RGS6: variants seen among roughly 807,000 people sequenced by gnomAD.
RGS6 encodes regulator of G-protein signaling 6.
Under a neutral mutation model 78.5 loss-of-function variants are expected in RGS6, and 30 were observed. That is an observed-to-expected ratio of 0.38 (90% CI 0.29 to 0.52). The LOEUF (loss-of-function observed/expected upper bound fraction) is 0.52, where lower values mean the gene tolerates loss of function less well. RGS6 is among the 20% of genes least tolerant of loss of function. RGS6 has a pLI of 0.85. For missense variants in RGS6, 495 were observed against 609.7 expected, an observed-to-expected ratio of 0.81 and a Z score of 1.98; for synonymous variants, 206 against 206.0, an observed-to-expected ratio of 1.00 and a Z score of 0.00.
the RGS6 span, among the ~76,000 whole-genome samples, chr14:72,616,602 G>A: frequency 6.6e-6 from 1 of 152,300 alleles, no homozygotes. Flanking sequence ...GAGTCCCAGT[G>A]TCACTCTGGA....
At chr14:72,415,575 A>C (rs11627401) in intron 3 of RGS6, among the ~76,000 whole-genome samples, 7,487 of 152,266 alleles carry the variant, frequency 0.049, 415 homozygotes, top group African/African-American at 0.14. Context: ...CTACCCAGTG[A>C]GATGAACCCG....
At chr14:72,232,224 G>T (rs2049824494) in intron 2 of RGS6, among the ~76,000 whole-genome samples, 1 of 152,310 alleles carries the variant, frequency 6.6e-6, no homozygotes, top group Admixed American at 6.5e-5. Flanking sequence ...GGAGGGGTCT[G>T]CTGTGTTGAC....
chr14:72,305,482 G>C (rs1160641326), intron 2 of RGS6, among the ~76,000 whole-genome samples: 1 of 152,124 alleles, frequency 6.6e-6, no homozygotes, highest in Non-Finnish European at 1.5e-5. Context: ...CTCCATATCT[G>C]TGTGTCATAT....
chr14:72,311,487 T>TA (rs1340750294), intron 2 of RGS6, among the ~76,000 whole-genome samples: 2,532 of 145,636 alleles, frequency 0.017, 64 homozygotes, highest in African/African-American at 0.054. Flanking sequence ...GAGCCTTTTG[T>TA]AAAAAAAAAA....
intron 3 of RGS6, among the ~76,000 whole-genome samples, chr14:72,420,814 C>T (rs1241894006): frequency 6.6e-6 from 1 of 152,156 alleles, no homozygotes; most frequent in Non-Finnish European, 1.5e-5. Flanking sequence ...GTATTCAGAA[C>T]GCCATTGATT....
At chr14:71,958,924 C>T (rs773509517) in intron 1 of RGS6, among the ~76,000 whole-genome samples, 11 of 152,256 alleles carry the variant, frequency 7.2e-5, no homozygotes, top group Non-Finnish European at 1.2e-4. Flanking sequence ...AGCCTAGTTC[C>T]GGTCCTTGGG....
chr14:72,089,579 T>C (rs1383827880), intron 2 of RGS6, among the ~76,000 whole-genome samples: 3 of 152,228 alleles, frequency 2.0e-5, no homozygotes, highest in Admixed American at 2.0e-4. Context: ...CACTGTTGAA[T>C]TTTAAAAGCA....
intron 2 of RGS6, among the ~76,000 whole-genome samples, chr14:72,177,663 A>G (rs1386245158): frequency 2.0e-5 from 3 of 152,212 alleles, no homozygotes; most frequent in African/African-American, 7.2e-5. Flanking sequence ...GGTATATTAC[A>G]GGATCCCTTA....
At chr14:72,157,289 C>T (rs983361480) in intron 2 of RGS6, among the ~76,000 whole-genome samples, 3 of 152,100 alleles carry the variant, frequency 2.0e-5, no homozygotes, top group African/African-American at 4.8e-5. Flanking sequence ...CAAATGATTC[C>T]GTGGAGAGTG....
At chr14:72,377,698 G>GGCAT (rs1177480525) in intron 3 of RGS6, among the ~76,000 whole-genome samples, 1 of 152,086 alleles carries the variant, frequency 6.6e-6, no homozygotes, top group African/African-American at 2.4e-5. Context: ...ATTATGGCCA[G>GGCAT]GCATGGTGTA....
chr14:72,429,941 C>T (rs1213663320), intron 3 of RGS6, among the ~76,000 whole-genome samples: 1 of 152,200 alleles, frequency 6.6e-6, no homozygotes, highest in Non-Finnish European at 1.5e-5. Context: ...CTGCACTTCT[C>T]CTTCCTGCCG....
intron 2 of RGS6, among the ~76,000 whole-genome samples, chr14:72,238,829 A>C (rs1600193387): frequency 6.6e-6 from 1 of 152,182 alleles, no homozygotes; most frequent in East Asian, 1.9e-4. Flanking sequence ...TAACAAGGAG[A>C]TTCATATACC....
At chr14:71,962,005 T>C (rs1380393635) in intron 1 of RGS6, among the ~76,000 whole-genome samples, 1 of 152,182 alleles carries the variant, frequency 6.6e-6, no homozygotes, top group Non-Finnish European at 1.5e-5. Context: ...CCTATGTAGG[T>C]TTCACATCCA....
chr14:72,405,313 A>G (rs10147214), intron 3 of RGS6, among the ~76,000 whole-genome samples: 2 of 152,104 alleles, frequency 1.3e-5, no homozygotes, highest in Admixed American at 6.5e-5. Flanking sequence ...CAGTATTTCC[A>G]TCTTGTCCCC....
intron 2 of RGS6, among the ~76,000 whole-genome samples, chr14:72,272,763 A>T (rs1183144344): frequency 6.6e-6 from 1 of 152,216 alleles, no homozygotes; most frequent in African/African-American, 2.4e-5. Flanking sequence ...TAGGTAAATG[A>T]ATTAGATGAA....
At chr14:72,248,210 G>A (rs847246) in intron 2 of RGS6, among the ~76,000 whole-genome samples, 135,166 of 152,200 alleles carry the variant, frequency 0.89, 60,218 homozygotes, top group South Asian at 0.93. Context: ...TCCTAAGTGT[G>A]TCAAGGCATT....
At chr14:71,948,153 C>A (rs1323568896) in intron 1 of RGS6, among the ~76,000 whole-genome samples, 1 of 152,138 alleles carries the variant, frequency 6.6e-6, no homozygotes, top group South Asian at 2.1e-4. Flanking sequence ...TTCTATGGCA[C>A]GAGAGAAGAA....
At chr14:72,364,438 C>T (rs1272394154) in intron 3 of RGS6, among the ~76,000 whole-genome samples, 2 of 152,208 alleles carry the variant, frequency 1.3e-5, no homozygotes, top group Admixed American at 6.5e-5. Flanking sequence ...GCCCACACTT[C>T]AGCCTTTCCA....
At chr14:72,327,562 A>G (rs1389866697) in intron 2 of RGS6, among the ~76,000 whole-genome samples, 1 of 152,262 alleles carries the variant, frequency 6.6e-6, no homozygotes, top group African/African-American at 2.4e-5. Flanking sequence ...AGCAGCGTAC[A>G]TCACCAGTCA....
Sources: gnomAD v4.1 joint callset for allele counts (sites outside exome capture counted in the v4.1 genomes callset) on GRCh38, gnomAD v4.1.1 for gene constraint, MANE v1.5 for transcripts, NCBI Gene and HGNC (gene_info 2026-07-23, HGNC 2026-07-21) for gene names.